RRP1: variants seen among roughly 807,000 people sequenced by gnomAD.
RRP1 encodes the protein ribosomal RNA processing protein 1 homolog A.
In RRP1, 37 loss-of-function variants were observed where a neutral mutation model predicts 54.6. The observed-to-expected ratio is 0.68, with a 90% CI of 0.52 to 0.89. RRP1 has a LOEUF of 0.89. Ranked by LOEUF, RRP1 falls within the 40% of genes least tolerant of loss-of-function variation. RRP1 has a pLI of 0.00. For synonymous variants in RRP1, 262 were observed against 244.3 expected (o/e 1.07, Z -0.67); for missense variants, 639 against 612.5 (o/e 1.04, Z -0.46).
In RRP1 at chr21:43,793,510, G is replaced by A; in HGVS notation, c.360+106G>A. 9 of 892,776 alleles carry A rather than the reference G, an allele frequency of 1.0e-5. No homozygotes were observed. In the South Asian group the frequency reaches 1.3e-4, roughly 13 times the overall value. The allele number at this position is 892,776 out of a possible 1,614,324, so 55.3% of individuals were successfully genotyped here. A position where few individuals can be genotyped will look rare whatever the true frequency, so the allele number is the denominator to read the frequency against. On this transcript the variant is annotated intron_variant, in intron 4 of 12. Transcript: ENST00000497547. ...GCAGGGAGGCAACCTGAGGCAGTGCGACCCTGAAGCCAGGGGTGGGAGGTG... is the reference window on the plus strand; with the variant it reads ...GCAGGGAGGCAACCTGAGGCAGTGCAACCCTGAAGCCAGGGGTGGGAGGTG...
chr21:43,800,626 A>C lies in RRP1; in HGVS notation c.989+12A>C. The C allele has an allele frequency of 2.5e-6, 4 of 1,612,438 alleles. No homozygotes were observed. Among genetic ancestry groups the C allele is most frequent in the Non-Finnish European group, 1.7e-6 (2 of 1,178,506 alleles). ...AAAGTGATCCGGAAGTGAGTGTGTG[A>C]GGGCGCTGCGTCCTCCCTGCTCCCC... On this transcript the variant is annotated intron_variant, in intron 10 of 12. Coordinates refer to ENST00000497547, the MANE Select transcript of RRP1 (RefSeq NM_003683.6).
At chr21:43,790,778 G>A in intron 1 of RRP1, 1 of 299,164 alleles carries the variant, frequency 3.3e-6, no homozygotes, top group Non-Finnish European at 6.6e-6. Context: ...TGTACAAATT[G>A]GGGTCTTCCT....
chr21:43,789,841 G>A (rs2084938377), intron 1 of RRP1, 79 bp downstream of exon 1: 6 of 1,399,726 alleles, frequency 4.3e-6, no homozygotes, highest in African/African-American at 1.5e-5. Context: ...GCCGGAGCTG[G>A]GGGCCCTCCG....
At chr21:43,795,849 A>C (rs2085013953) in intron 5 of RRP1, among the ~76,000 whole-genome samples, 2 of 152,316 alleles carry the variant, frequency 1.3e-5, no homozygotes, top group South Asian at 4.1e-4. Flanking sequence ...AATTCTAAAA[A>C]TATGTAAATT....
At chr21:43,799,016 G>C (rs1333690242) in intron 8 of RRP1, among the ~76,000 whole-genome samples, 1 of 151,290 alleles carries the variant, frequency 6.6e-6, no homozygotes, top group African/African-American at 2.4e-5. Flanking sequence ...GCTAGTGCCT[G>C]CTGCTGGCCC....
chr21:43,796,002 C>T (rs1490274553), intron 5 of RRP1, among the ~76,000 whole-genome samples: 2 of 152,054 alleles, frequency 1.3e-5, no homozygotes, highest in African/African-American at 4.8e-5. Flanking sequence ...TAGATAAATG[C>T]ATAGAAAAGA....
chr21:43,794,546 G>T (rs899716682), intron 4 of RRP1, among the ~76,000 whole-genome samples: 3 of 152,184 alleles, frequency 2.0e-5, no homozygotes, highest in Non-Finnish European at 4.4e-5. Flanking sequence ...GCTCCTGGGG[G>T]TCCGCGTGTC....
At chr21:43,803,342 G>A (rs943956104) in intron 12 of RRP1, among the ~76,000 whole-genome samples, 170 bp from the exon 13 acceptor site, 3 of 152,192 alleles carry the variant, frequency 2.0e-5, no homozygotes, top group African/African-American at 4.8e-5. Flanking sequence ...GTCCTGAGCC[G>A]TGTGGATGGA....
intron 2 of RRP1, among the ~76,000 whole-genome samples, 165 bp downstream of exon 2, chr21:43,791,597 G>A (rs1214119683): frequency 6.6e-6 from 1 of 152,094 alleles, no homozygotes. Flanking sequence ...CAGCCTTCTG[G>A]TTTCAAGCAA....
chr21:43,800,527 A>C lies in RRP1; in HGVS notation c.902A>C (p.Glu301Ala). Residue 301 changes from glutamate to alanine, a missense_variant, in exon 10 of 13, where the codon GAG becomes GCG. Glu to Ala is a moderately radical substitution (Grantham distance 107). Transcript: ENST00000497547. ...TCTCTTTTGAAACAGTTTGACTACG[A>C]GGCAGTTGCTAACAGACTGTTTGAA... ...SGGPVLQFDY[E>A]AVANRLFEMA... 6.2e-7 allele frequency: 1 copy of C among 1,614,210 alleles called. No homozygotes were observed. Among genetic ancestry groups the C allele is most frequent in the East Asian group, 2.2e-5 (1 of 44,884 alleles).
intron 9 of RRP1, among the ~76,000 whole-genome samples, chr21:43,799,942 T>C (rs544958085): frequency 1.3e-5 from 2 of 152,306 alleles, no homozygotes; most frequent in African/African-American, 4.8e-5. Context: ...CGCTGTCCTC[T>C]TGCCTCACAC....
chr21:43,800,058 C>T (rs1162912666), intron 9 of RRP1, among the ~76,000 whole-genome samples: 1 of 152,280 alleles, frequency 6.6e-6, no homozygotes, highest in Non-Finnish European at 1.5e-5. Flanking sequence ...GAGGAATCCA[C>T]TCAGCCAGTG....
intron 2 of RRP1, 80 bp downstream of exon 2, chr21:43,791,512 T>G: frequency 7.3e-7 from 1 of 1,368,018 alleles, no homozygotes; most frequent in Non-Finnish European, 1.0e-6. Context: ...AGTTTTTCTT[T>G]TTTTTTTAAG....
chr21:43,793,224 C>T (rs899769491), intron 3 of RRP1, 95 bp from the exon 4 acceptor site: 1 of 1,045,384 alleles, frequency 9.6e-7, no homozygotes. Flanking sequence ...TTATCTATAG[C>T]TATGTAAAGA....
At chr21:43,800,444 CAG>C (rs756963638) in intron 9 of RRP1, 71 bp from the exon 10 acceptor site, 20 of 1,435,342 alleles carry the variant, frequency 1.4e-5, no homozygotes, top group African/African-American at 4.2e-5. Context: ...ATCTGGGTCT[CAG>C]GGGTTCCACG....
chr21:43,794,708 C>G (rs2084998348), intron 4 of RRP1, among the ~76,000 whole-genome samples: 1 of 152,166 alleles, frequency 6.6e-6, no homozygotes, highest in South Asian at 2.1e-4. Context: ...GCGGGAGGGC[C>G]TTCGCTGTGT....
At position 43,798,065 on chromosome 21, in the gene RRP1, C is replaced by G; in HGVS notation, c.776C>G (p.Ala259Gly). Reference sequence around the variant, plus strand: ...TCTGAGGGTGGTGAGCGTGGAGACGCGCTGTCCCAGAAGAGGTCTGAGAAG... The same window carrying G: ...TCTGAGGGTGGTGAGCGTGGAGACGGGCTGTCCCAGAAGAGGTCTGAGAAG... Reference protein sequence around the residue: ...ESSEGGERGDALSQKRSEKPP... With the variant: ...ESSEGGERGDGLSQKRSEKPP... The change falls in exon 8 of 13, where the codon GCG (alanine) becomes GGG (glycine). Residue 259 changes from alanine to glycine, a missense_variant. Transcript: ENST00000497547. 1 of 1,613,860 alleles carries G rather than the reference C, an allele frequency of 6.2e-7. No individual in the cohort carries two copies. The highest frequency in any genetic ancestry group is 8.5e-7 in the Non-Finnish European group (1 of 1,179,886).
At chr21:43,798,246 G>C (rs2085044853) in intron 8 of RRP1, 146 bp downstream of exon 8, 1 of 696,258 alleles carries the variant, frequency 1.4e-6, no homozygotes, top group Non-Finnish European at 2.3e-6. Context: ...ATAGAAGCCA[G>C]AGTGACTTCT....
rs75527225 is a variant in RRP1 at position 43,802,463 on chromosome 21, G to T, written c.1123+76G>T. 5,815 of 1,145,648 alleles carry T rather than the reference G, an allele frequency of 5.1e-3. 210 individuals carry two copies. The African/African-American group carries it at 0.075, about 15-fold the overall frequency. 71.0% of individuals were successfully genotyped at this position (1,145,648 alleles called of 1,614,324 possible). A position where few individuals can be genotyped will look rare whatever the true frequency, so the allele number is the denominator to read the frequency against. On this transcript the variant is annotated intron_variant, in intron 12 of 12. Transcript: ENST00000497547. ...CTTCTCCCCTGGATGGGGGTCACCTGCAGTGTCTCCCCCTGAAGCATGAGT... is the reference window on the plus strand; with the variant it reads ...CTTCTCCCCTGGATGGGGGTCACCTTCAGTGTCTCCCCCTGAAGCATGAGT...
Sources: allele counts gnomAD v4.1 joint callset (sites outside exome capture counted in the v4.1 genomes callset), GRCh38; gene constraint gnomAD v4.1.1; transcripts MANE v1.5; gene names NCBI Gene and HGNC (gene_info 2026-07-23, HGNC 2026-07-21).